KMT2C: variants seen among roughly 807,000 people sequenced by gnomAD.
KMT2C encodes lysine methyltransferase 2C.
In KMT2C, 88 loss-of-function variants were observed where a neutral mutation model predicts 507.9. The observed-to-expected ratio is 0.17, with a 90% CI of 0.15 to 0.21. The LOEUF (loss-of-function observed/expected upper bound fraction) is 0.21. Among genes scored for constraint, KMT2C ranks in the 10% least tolerant of loss-of-function variants. The pLI is 1.00. For missense variants in KMT2C, 4,954 were observed against 5,957.8 expected, an observed-to-expected ratio of 0.83 and a Z score of 5.55; for synonymous variants, 2,049 against 2,080.8, an observed-to-expected ratio of 0.98 and a Z score of 0.42.
At chr7:152,345,547 CAG>C (rs1294885589) in intron 2 of KMT2C, among the ~76,000 whole-genome samples, 2 of 152,160 alleles carry the variant, frequency 1.3e-5, no homozygotes, top group African/African-American at 4.8e-5. Context: ...TGTTTTGAGA[CAG>C]AGTCTTGCTC....
At chr7:152,297,724 A>C (rs2096529525) in intron 6 of KMT2C, among the ~76,000 whole-genome samples, 1 of 152,008 alleles carries the variant, frequency 6.6e-6, no homozygotes, top group African/African-American at 2.4e-5. Flanking sequence ...TCTCAAAACA[A>C]AGCTCAAGAA....
Position 152,326,577 on chromosome 7 carries a change from C to A in KMT2C, c.389+4024G>T, listed in dbSNP as rs570510368. Among the ~76,000 whole-genome samples the A allele has an allele frequency of 2.6e-5, 4 of 152,114 alleles. No homozygotes were observed. In the East Asian group the frequency reaches 7.7e-4, roughly 29 times the overall value. ...CATTTAGAACATTTTATATACTGCA[C>A]CATTAAAATTCATTAAATTCAGGCC... On this transcript the variant is annotated intron_variant, in intron 3 of 58. Coordinates refer to ENST00000262189, the MANE Select transcript of KMT2C (RefSeq NM_170606.3).
chr7:152,332,317 A>G (rs962900397), intron 2 of KMT2C, among the ~76,000 whole-genome samples: 1 of 152,012 alleles, frequency 6.6e-6, no homozygotes, highest in Admixed American at 6.6e-5. Context: ...ACACCTCCCC[A>G]CCAGTGCTCA....
Position 152,433,536 on chromosome 7 carries a change from G to C in KMT2C, c.161+2090C>G, listed in dbSNP as rs542218489. 2.0e-3 allele frequency among the ~76,000 whole-genome samples: 308 copies of C among 152,232 alleles called. 1 individual carries two copies. The highest frequency in any genetic ancestry group is 6.8e-3 in the Middle Eastern group (2 of 294). Reference sequence around the variant, plus strand: ...AATTTCAAAAAAAACGCTCTAAAAAGTTTAGACCCGTCAAATTTACCAGTA... The same window carrying C: ...AATTTCAAAAAAAACGCTCTAAAAACTTTAGACCCGTCAAATTTACCAGTA... On this transcript the variant is annotated intron_variant, in intron 1 of 58. Transcript: ENST00000262189.
intron 55 of KMT2C, among the ~76,000 whole-genome samples, chr7:152,143,531 C>A (rs75255053): frequency 0.012 from 1,800 of 152,390 alleles, 39 homozygotes; most frequent in African/African-American, 0.042. Flanking sequence ...CCAGGTGACA[C>A]TGCTGCTTCT....
intron 1 of KMT2C, among the ~76,000 whole-genome samples, chr7:152,405,279 T>TA (rs1393452960): frequency 0.017 from 2,429 of 144,052 alleles, no homozygotes; most frequent in African/African-American, 0.044. Context: ...TTTTTTTTTT[T>TA]TTTTCTGCCC....
chr7:152,410,393 C>G (rs1243581296), intron 1 of KMT2C, among the ~76,000 whole-genome samples: 2 of 143,978 alleles, frequency 1.4e-5, no homozygotes, highest in Non-Finnish European at 3.0e-5. Context: ...GCTTGGGCGA[C>G]GGAGGAAGAC....
rs763785203 is a variant in KMT2C at position 152,152,849 on chromosome 7, T to C, written c.12382A>G (p.Ser4128Gly). 6.2e-7 allele frequency: 1 copy of C among 1,614,208 alleles called. No individual in the cohort carries two copies. The highest frequency in any genetic ancestry group is 2.2e-5 in the East Asian group (1 of 44,884). ...AAACCCGGGTTGATTCTGTGGCTACTGACCAAACCCATGGATGGGACATCT... is the reference window on the plus strand; with the variant it reads ...AAACCCGGGTTGATTCTGTGGCTACCGACCAAACCCATGGATGGGACATCT... ...APDVPSMGLV[S>G]SHRINPGLEY... is the part of the protein sequence containing the mutation. The change falls in exon 49 of 59, where the codon AGT (serine) becomes GGT (glycine). Residue 4128 changes from serine (S) to glycine (G), a missense_variant. Ser to Gly is a moderately conservative substitution (Grantham distance 56). Coordinates refer to ENST00000262189, the MANE Select transcript of KMT2C (RefSeq NM_170606.3).
intron 2 of KMT2C, among the ~76,000 whole-genome samples, chr7:152,332,893 A>ACACACACACAC (rs1563897137): frequency 2.0e-5 from 2 of 99,856 alleles, no homozygotes; most frequent in Non-Finnish European, 4.1e-5. Flanking sequence ...CACACACACA[A>ACACACACACAC]ATTATTCTCG....
At chr7:152,310,110 A>C in intron 5 of KMT2C, 35 bp from the exon 6 acceptor site, 7 of 1,363,900 alleles carry the variant, frequency 5.1e-6, no homozygotes, top group Non-Finnish European at 6.2e-6. Flanking sequence ...GCAAATGAGC[A>C]AACATTAAAA....
Position 152,374,900 on chromosome 7 carries a change from A to C in KMT2C, c.162-16225T>G, listed in dbSNP as rs1278014443. On this transcript the variant is annotated intron_variant, in intron 1 of 58. Transcript: ENST00000262189. Reference sequence around the variant, plus strand: ...TCTGTCTCTCAAAAAAAAAAAAAAAAATTGAAGAGAAAAACACAAGGAAAA... The same window carrying C: ...TCTGTCTCTCAAAAAAAAAAAAAAACATTGAAGAGAAAAACACAAGGAAAA... Among the ~76,000 whole-genome samples, 5 of 152,128 alleles carry C rather than the reference A, an allele frequency of 3.3e-5. No individual in the cohort carries two copies. The South Asian group carries it at 6.2e-4, about 19-fold the overall frequency.
chr7:152,321,567 A>C (rs1349811580), intron 3 of KMT2C, among the ~76,000 whole-genome samples: 1 of 151,952 alleles, frequency 6.6e-6, no homozygotes, highest in Non-Finnish European at 1.5e-5. Context: ...AACAAATTTG[A>C]TAAAGTAGCA....
Position 152,256,741 on chromosome 7 carries a change from AC to A in KMT2C, c.1300-4027del, listed in dbSNP as rs2095668185. 2.0e-5 allele frequency among the ~76,000 whole-genome samples: 3 copies of A among 152,172 alleles called. No homozygotes were observed. In the South Asian group the frequency reaches 6.2e-4, roughly 32 times the overall value. Reference sequence around the variant, plus strand: ...AATTCACGAGAAGAAATTAAAACTGACCCTTAAACACATGAAAAAACGATCA... The same window carrying A: ...AATTCACGAGAAGAAATTAAAACTGACCTTAAACACATGAAAAAACGATCA... On this transcript the variant is annotated intron_variant, in intron 9 of 58. Transcript: ENST00000262189.
In KMT2C at chr7:152,187,315, G is replaced by C. The variant is rs2093656621; in HGVS notation, c.4955C>G (p.Ala1652Gly). 1 of 1,614,064 alleles carries C rather than the reference G, an allele frequency of 6.2e-7. No individual in the cohort carries two copies. Among genetic ancestry groups the C allele is most frequent in the Non-Finnish European group, 8.5e-7 (1 of 1,180,004 alleles). Residue 1652 changes from alanine (A) to glycine (G), a missense_variant, in exon 33 of 59, where the codon GCC becomes GGC. Physicochemically the swap from Ala to Gly is moderately conservative, Grantham distance 60. Coordinates refer to ENST00000262189, the MANE Select transcript of KMT2C (RefSeq NM_170606.3). ...EEALGEMATVAPVLYTNINFP... is the reference protein window; with the variant it reads ...EEALGEMATVGPVLYTNINFP... Reference sequence around the variant, plus strand: ...ATTAATATTGGTGTAGAGAACTGGGGCAACAGTTGCCATTTCACCCAGAGC... The same window carrying C: ...ATTAATATTGGTGTAGAGAACTGGGCCAACAGTTGCCATTTCACCCAGAGC...
At chr7:152,335,132 G>A (rs924983038) in intron 2 of KMT2C, among the ~76,000 whole-genome samples, 12 of 152,160 alleles carry the variant, frequency 7.9e-5, no homozygotes, top group African/African-American at 2.4e-4. Flanking sequence ...GTAGCTCTAG[G>A]CAAAGCATCT....
rs181776330 is a variant in KMT2C at position 152,356,683 on chromosome 7, G to A, written c.250+1904C>T. Among the ~76,000 whole-genome samples the A allele has an allele frequency of 7.8e-3, 1,180 of 151,880 alleles. 22 individuals carry two copies. Among genetic ancestry groups the A allele is most frequent in the African/African-American group, 0.027 (1,133 of 41,380 alleles). On this transcript the variant is annotated intron_variant, in intron 2 of 58. Coordinates refer to ENST00000262189, the MANE Select transcript of KMT2C (RefSeq NM_170606.3). ...AGGCAGGTGGATCACGAGGTCAGGAGTTCAAGACCAGCCTGGCCAATATGG... is the reference window on the plus strand; with the variant it reads ...AGGCAGGTGGATCACGAGGTCAGGAATTCAAGACCAGCCTGGCCAATATGG...
intron 1 of KMT2C, among the ~76,000 whole-genome samples, chr7:152,418,620 G>A (rs1239125237): frequency 6.6e-6 from 1 of 151,282 alleles, no homozygotes. Context: ...TTAGTACAGA[G>A]GGGGTTTCAC....
At chr7:152,352,170 T>C (rs2097116614) in intron 2 of KMT2C, among the ~76,000 whole-genome samples, 1 of 152,216 alleles carries the variant, frequency 6.6e-6, no homozygotes, top group Non-Finnish European at 1.5e-5. Flanking sequence ...CTGTCTTTTA[T>C]GGTCGAGCTG....
Position 152,162,130 on chromosome 7 carries a change from G to C in KMT2C, c.11447C>G (p.Pro3816Arg). 6.4e-7 allele frequency: 1 copy of C among 1,560,144 alleles called. No individual in the cohort carries two copies. The highest frequency in any genetic ancestry group is 8.6e-7 in the Non-Finnish European group (1 of 1,157,502). ...ATTTACACTTACCAGTCCTTCAGCT[G>C]GGTTCTGCTTCTCAACTAGTTTATT... ...KDNKLVEKQN[P>R]AEGLQTLGAQ... Residue 3816 changes from proline to arginine, a missense_variant, in exon 43 of 59, where the codon CCA becomes CGA. Physicochemically the swap from Pro to Arg is moderately radical, Grantham distance 103. This residue lies in a region of KMT2C where 801 missense variants were observed against 751.2 expected (regional missense o/e 1.07). Transcript: ENST00000262189.
Sources: gnomAD v4.1 joint callset for allele counts (sites outside exome capture counted in the v4.1 genomes callset) on GRCh38, gnomAD v4.1.1 for gene constraint, gnomAD v4.1.1 regional missense constraint, MANE v1.5 for transcripts, NCBI Gene and HGNC (gene_info 2026-07-23, HGNC 2026-07-21) for gene names.